ITGA1: variants seen among roughly 807,000 people sequenced by gnomAD.
The protein encoded by ITGA1 is integrin subunit alpha 1.
A neutral mutation model predicts 145.9 loss-of-function variants in ITGA1; 85 were observed. The ratio of observed to expected loss-of-function variants is 0.58; its 90% CI spans 0.49 to 0.70. The LOEUF (loss-of-function observed/expected upper bound fraction) is 0.70. Ranked by LOEUF, ITGA1 falls within the 30% of genes least tolerant of loss-of-function variation. The pLI, the probability that ITGA1 is intolerant of heterozygous loss-of-function variation, is 0.00. For synonymous variants in ITGA1, 520 were observed against 495.3 expected, an observed-to-expected ratio of 1.05 and a Z score of -0.66; for missense variants, 1,351 against 1,418.7, an observed-to-expected ratio of 0.95 and a Z score of 0.77.
rs1294430690 is a variant in ITGA1, at chr5:52,911,630, T to C, written c.1857+1211T>C. ...ATATATATAGTGTATCTACTATATA[T>C]ACTATATATAGTGTATCTACTATAT... On this transcript the variant is annotated intron_variant, in intron 14 of 28. Transcript: ENST00000282588. Among the ~76,000 whole-genome samples, 26 of 91,376 alleles carry C rather than the reference T, an allele frequency of 2.8e-4. 2 individuals carry two copies. The highest frequency in any genetic ancestry group is 4.7e-4 in the Non-Finnish European group (21 of 45,046). 59.9% of individuals were successfully genotyped at this position (91,376 alleles called of 152,430 possible).
chr5:52,818,238 A>C (rs1748808392), intron 1 of ITGA1, among the ~76,000 whole-genome samples: 1 of 150,010 alleles, frequency 6.7e-6, no homozygotes, highest in South Asian at 2.1e-4. Context: ...GCTGAGTTGA[A>C]AAAAAAATGG....
intron 1 of ITGA1, 82 bp downstream of exon 1, chr5:52,788,496 G>C (rs1246541025): frequency 6.0e-6 from 7 of 1,173,100 alleles, no homozygotes; most frequent in Non-Finnish European, 7.9e-6. Flanking sequence ...CAGAGCCATG[G>C]GCCAGATAGG....
At chr5:52,864,946 C>A in intron 4 of ITGA1, 25 bp from the exon 5 acceptor site, 1 of 1,588,430 alleles carries the variant, frequency 6.3e-7, no homozygotes, top group Non-Finnish European at 8.6e-7. Flanking sequence ...CTAATGATTT[C>A]TAATTTTAAA....
intron 26 of ITGA1, among the ~76,000 whole-genome samples, chr5:52,944,664 T>C (rs898016966): frequency 3.9e-5 from 6 of 152,148 alleles, no homozygotes; most frequent in African/African-American, 1.4e-4. Context: ...TAGGCAGAGT[T>C]TGAGGTTTGT....
chr5:52,801,907 C>A, intron 1 of ITGA1: 1 of 1,246,966 alleles, frequency 8.0e-7, no homozygotes. Flanking sequence ...TCTCAGCATC[C>A]TTGTGACAGA....
chr5:52,922,881 T>C lies in ITGA1; in HGVS notation c.2397T>C (p.His799=), dbSNP rs1343662042. The change falls in exon 18 of 29, where the codon CAT becomes CAC. Residue 799 remains histidine, a synonymous_variant. Transcript: ENST00000282588. ...ATGATTCTCTACCAAACTCAGTACA[T>C]GAATATGTAAGTCAGATTTCTTTAA... ...VLDDSLPNSV[H]EYIPFAKDCG... is the part of the protein sequence containing the mutation. 1.9e-6 allele frequency: 3 copies of C among 1,566,544 alleles called. No homozygotes were observed. The highest frequency in any genetic ancestry group is 2.7e-5 in the African/African-American group (2 of 74,020).
At chr5:52,848,104 A>T (rs2111749031) in intron 1 of ITGA1, among the ~76,000 whole-genome samples, 1 of 152,334 alleles carries the variant, frequency 6.6e-6, no homozygotes, top group East Asian at 1.9e-4. Flanking sequence ...ATGTGATTTA[A>T]TCTGGATAAC....
At chr5:52,932,445 G>A (rs1246923622) in intron 22 of ITGA1, 2 of 211,548 alleles carry the variant, frequency 9.5e-6, no homozygotes, top group Non-Finnish European at 1.9e-5. Flanking sequence ...AGACCCAGAA[G>A]TCCTTCGCAA....
At chr5:52,950,881 C>T (rs879796171) in intron 28 of ITGA1, among the ~76,000 whole-genome samples, 1 of 152,158 alleles carries the variant, frequency 6.6e-6, no homozygotes, top group Non-Finnish European at 1.5e-5. Flanking sequence ...TGACTCAGGA[C>T]ATGCAGGCAC....
chr5:52,894,311 G>A (rs72756581), intron 9 of ITGA1, among the ~76,000 whole-genome samples: 1,786 of 151,986 alleles, frequency 0.012, 21 homozygotes, highest in Non-Finnish European at 0.018. Flanking sequence ...CATTTTAAAG[G>A]TCTTCATGGA....
chr5:52,909,577 A>G (rs912385522), intron 13 of ITGA1, among the ~76,000 whole-genome samples: 1 of 152,156 alleles, frequency 6.6e-6, no homozygotes, highest in African/African-American at 2.4e-5. Context: ...TAGCAAAGCC[A>G]GTGTTTATCT....
intron 14 of ITGA1, among the ~76,000 whole-genome samples, chr5:52,914,497 ATGGTGGCGCGCACC>A (rs1750611906): frequency 6.6e-6 from 1 of 151,760 alleles, no homozygotes; most frequent in South Asian, 2.1e-4. Context: ...TTAGCCGGGC[ATGGTGGCGCGCACC>A]TGTAATCCCA....
intron 5 of ITGA1, 119 bp from the exon 6 acceptor site, chr5:52,865,571 T>C: frequency 1.3e-6 from 1 of 758,790 alleles, no homozygotes; most frequent in Non-Finnish European, 2.0e-6. Context: ...AAACAATGTG[T>C]CTACTTTGGA....
Position 52,955,696 on chromosome 5 carries a change from G to A in ITGA1, c.*3245G>A, listed in dbSNP as rs985030258. Reference sequence around the variant, plus strand: ...ATTTTCCCAAGGAATTCAAAGTCCTGTGATACACATTACAAAAGATGACAC... The same window carrying A: ...ATTTTCCCAAGGAATTCAAAGTCCTATGATACACATTACAAAAGATGACAC... On this transcript the variant is annotated 3_prime_UTR_variant, in exon 29 of 29. Transcript: ENST00000282588. 6.6e-6 allele frequency: 1 copy of A among 152,090 alleles called. No homozygotes were observed. Among genetic ancestry groups the A allele is most frequent in the Non-Finnish European group, 1.5e-5 (1 of 68,028 alleles). 9.4% of individuals were successfully genotyped at this position (152,090 alleles called of 1,614,324 possible).
intron 1 of ITGA1, among the ~76,000 whole-genome samples, chr5:52,832,571 C>T (rs1000570873): frequency 2.0e-5 from 3 of 152,128 alleles, no homozygotes; most frequent in Admixed American, 6.6e-5. Context: ...TACACAAGTT[C>T]TTCTAATCTC....
At chr5:52,939,350 C>T (rs910607463) in intron 24 of ITGA1, among the ~76,000 whole-genome samples, 2 of 151,994 alleles carry the variant, frequency 1.3e-5, no homozygotes, top group African/African-American at 2.4e-5. Flanking sequence ...CCATTACAAC[C>T]TCACTAGTTT....
At chr5:52,849,796 A>C (rs1427920513) in intron 2 of ITGA1, among the ~76,000 whole-genome samples, 1 of 152,184 alleles carries the variant, frequency 6.6e-6, no homozygotes, top group Non-Finnish European at 1.5e-5. Context: ...TTCTCATTTC[A>C]GAGTAGCTTA....
At chr5:52,796,116 T>C (rs1015722512) in intron 1 of ITGA1, among the ~76,000 whole-genome samples, 6 of 152,000 alleles carry the variant, frequency 3.9e-5, no homozygotes, top group African/African-American at 1.4e-4. Flanking sequence ...AATTTAATTA[T>C]TGAATTCAAT....
intron 1 of ITGA1, among the ~76,000 whole-genome samples, chr5:52,809,622 A>T (rs1477937478): frequency 2.0e-5 from 3 of 147,912 alleles, no homozygotes; most frequent in African/African-American, 7.6e-5. Flanking sequence ...CTCGTGCCTC[A>T]CCCTCCCCAG....
Sources: allele counts gnomAD v4.1 joint callset (sites outside exome capture counted in the v4.1 genomes callset), GRCh38; gene constraint gnomAD v4.1.1; transcripts MANE v1.5; gene names NCBI Gene and HGNC (gene_info 2026-07-23, HGNC 2026-07-21).